Variants in CEP89 observed in about 807,000 individuals in gnomAD.
CEP89 encodes centrosomal protein of 89 kDa.
CEP89 carries 95 observed loss-of-function variants against 97.6 expected under a neutral mutation model. The observed-to-expected ratio is 0.97, with a 90% CI of 0.82 to 1.15. CEP89 has a LOEUF of 1.15. CEP89 is among the 50% of genes most tolerant of loss of function. CEP89 has a pLI of 0.00. For synonymous variants in CEP89, 354 were observed against 349.1 expected, an observed-to-expected ratio of 1.01 and a Z score of -0.16; for missense variants, 869 against 947.7, an observed-to-expected ratio of 0.92 and a Z score of 1.09.
chr19:32,901,075 C>T (rs899780698), intron 15 of CEP89, among the ~76,000 whole-genome samples, 170 bp downstream of exon 15: 5 of 151,856 alleles, frequency 3.3e-5, no homozygotes, highest in Admixed American at 6.6e-5. Context: ...TTAGTAGAGA[C>T]GGGGTTTTGC....
At chr19:32,934,351 C>A (rs1970538026) in intron 7 of CEP89, among the ~76,000 whole-genome samples, 1 of 152,150 alleles carries the variant, frequency 6.6e-6, no homozygotes, top group Admixed American at 6.5e-5. Context: ...CCTGAAGGCA[C>A]CAGGGTGAGG....
At chr19:32,946,451 G>A (rs1970800042) in intron 5 of CEP89, among the ~76,000 whole-genome samples, 1 of 152,144 alleles carries the variant, frequency 6.6e-6, no homozygotes, top group South Asian at 2.1e-4. Flanking sequence ...CATGTGTTGT[G>A]AGATGAAAGA....
At chr19:32,968,579 G>A (rs1278381705) in intron 1 of CEP89, among the ~76,000 whole-genome samples, 1 of 152,140 alleles carries the variant, frequency 6.6e-6, no homozygotes, top group Non-Finnish European at 1.5e-5. Flanking sequence ...TGAATCCCAA[G>A]GGCTGGCGTC....
At chr19:32,908,655 G>A (rs898589882) in intron 14 of CEP89, among the ~76,000 whole-genome samples, 3 of 152,158 alleles carry the variant, frequency 2.0e-5, no homozygotes, top group Non-Finnish European at 4.4e-5. Flanking sequence ...CACTTCGGAG[G>A]GCAAGGGAGC....
rs71176166 is a variant in CEP89 at position 32,905,491 on chromosome 19, A to ATT, written c.1566-4081_1566-4080dup. ...CCAGGCCTGGAGTTTTCAAAGGAAG[A>ATT]TTTTTTTTTTTAATTCAATTCTTTT... is the stretch of plus-strand genomic sequence containing the variant. On this transcript the variant is annotated intron_variant, in intron 14 of 18. Coordinates refer to ENST00000305768, the MANE Select transcript of CEP89 (RefSeq NM_032816.5). Among the ~76,000 whole-genome samples the ATT allele has an allele frequency of 4.1e-3, 619 of 150,474 alleles. 5 individuals carry two copies. Among genetic ancestry groups the ATT allele is most frequent in the African/African-American group, 0.011 (445 of 41,004 alleles).
At chr19:32,906,765 A>G (rs986534404) in intron 14 of CEP89, among the ~76,000 whole-genome samples, 1 of 149,600 alleles carries the variant, frequency 6.7e-6, no homozygotes, top group Admixed American at 6.7e-5. Flanking sequence ...ATATACATAC[A>G]TATAATATAT....
chr19:32,894,486 C>T (rs1969598352), intron 16 of CEP89, among the ~76,000 whole-genome samples: 2 of 152,272 alleles, frequency 1.3e-5, no homozygotes, highest in South Asian at 4.1e-4. Flanking sequence ...ACCAAAAGCC[C>T]AAGAAGCTAT....
intron 8 of CEP89, among the ~76,000 whole-genome samples, chr19:32,933,107 T>G (rs144183739): frequency 1.9e-3 from 289 of 152,296 alleles, no homozygotes; most frequent in African/African-American, 6.6e-3. Context: ...AATATAATCA[T>G]TGGTAAGTCT....
chr19:32,921,624 G>A (rs1019136809), intron 12 of CEP89, among the ~76,000 whole-genome samples: 4 of 152,324 alleles, frequency 2.6e-5, no homozygotes, highest in Admixed American at 1.3e-4. Context: ...TGGATTTGTG[G>A]CTGTATACAA....
chr19:32,907,985 G>A (rs1202776473), intron 14 of CEP89, among the ~76,000 whole-genome samples: 2 of 152,158 alleles, frequency 1.3e-5, no homozygotes, highest in Admixed American at 1.3e-4. Context: ...TGCCTGCAGT[G>A]TTCAGTACAG....
intron 12 of CEP89, among the ~76,000 whole-genome samples, chr19:32,919,525 T>TG (rs936698533): frequency 2.2e-4 from 33 of 152,278 alleles, no homozygotes; most frequent in Non-Finnish European, 4.3e-4. Context: ...CTGGGCACTG[T>TG]GGGGGTGCCT....
At chr19:32,942,533 A>AG (rs1970708784) in intron 5 of CEP89, among the ~76,000 whole-genome samples, 1 of 152,230 alleles carries the variant, frequency 6.6e-6, no homozygotes, top group Non-Finnish European at 1.5e-5. Context: ...CCCAAAGGAA[A>AG]TCATGCTATT....
intron 17 of CEP89, among the ~76,000 whole-genome samples, chr19:32,882,981 C>A (rs1444259781): frequency 2.0e-5 from 3 of 152,026 alleles, no homozygotes; most frequent in African/African-American, 7.2e-5. Flanking sequence ...GCCTCAGCCT[C>A]CTCAGTAGCT....
At chr19:32,954,383 G>C (rs201800587) in intron 3 of CEP89, among the ~76,000 whole-genome samples, 1 of 120,280 alleles carries the variant, frequency 8.3e-6, no homozygotes, top group African/African-American at 3.1e-5. Flanking sequence ...TTTTTTTTTT[G>C]AGACAGGGTC....
rs1224508672 is a variant in CEP89, at chr19:32,960,538, G to A, written c.147-480C>T. Among the ~76,000 whole-genome samples, 14 of 152,132 alleles carry A rather than the reference G, an allele frequency of 9.2e-5. 1 individual carries two copies. Among genetic ancestry groups the A allele is most frequent in the Admixed American group, 7.9e-4 (12 of 15,274 alleles). On this transcript the variant is annotated intron_variant, in intron 2 of 18. Transcript: ENST00000305768. ...AAAAAAGTAAAACAAGGCCAGGCGC[G>A]GTGGCTCATGCTTATAATCCCAGCA...
At position 32,932,641 on chromosome 19, in the gene CEP89, T is replaced by C. The variant is rs555118795; in HGVS notation, c.886+810A>G. Among the ~76,000 whole-genome samples the C allele has an allele frequency of 6.6e-5, 10 of 152,238 alleles. No individual in the cohort carries two copies. In the South Asian group the frequency reaches 8.3e-4, roughly 13 times the overall value. ...CAATAAAAAGAAGTCAAGTGTCTCATTGTAAAGTGGGCAACTTGGCCATGA... is the reference window on the plus strand; with the variant it reads ...CAATAAAAAGAAGTCAAGTGTCTCACTGTAAAGTGGGCAACTTGGCCATGA... On this transcript the variant is annotated intron_variant, in intron 8 of 18. Coordinates refer to ENST00000305768, the MANE Select transcript of CEP89 (RefSeq NM_032816.5).
chr19:32,968,290 C>A (rs192803991), intron 1 of CEP89, among the ~76,000 whole-genome samples: 2 of 152,308 alleles, frequency 1.3e-5, no homozygotes, highest in East Asian at 3.9e-4. Flanking sequence ...TGTCTGTCAC[C>A]CAGGCTGGAG....
In CEP89 at chr19:32,941,981, C is replaced by T. The variant is rs192309478; in HGVS notation, c.596-2096G>A. On this transcript the variant is annotated intron_variant, in intron 5 of 18. Coordinates refer to ENST00000305768, the MANE Select transcript of CEP89 (RefSeq NM_032816.5). ...TTGATTTGGTATCACACAATGCTAC[C>T]TCAGATCTGACTGCTTTCATATTTA... Among the ~76,000 whole-genome samples, 527 of 152,284 alleles carry T rather than the reference C, an allele frequency of 3.5e-3. 1 individual carries two copies. The highest frequency in any genetic ancestry group is 5.7e-3 in the Non-Finnish European group (390 of 68,028).
intron 5 of CEP89, among the ~76,000 whole-genome samples, chr19:32,942,059 C>A (rs945232083): frequency 6.6e-6 from 1 of 152,066 alleles, no homozygotes; most frequent in African/African-American, 2.4e-5. Context: ...ATTGGGGGAG[C>A]AGGGAGTTAC....
Sources: allele counts gnomAD v4.1 joint callset (sites outside exome capture counted in the v4.1 genomes callset), GRCh38; gene constraint gnomAD v4.1.1; transcripts MANE v1.5; gene names NCBI Gene and HGNC (gene_info 2026-07-23, HGNC 2026-07-21).